The following LARP1B variants were observed in gnomAD, a reference collection of about 807,000 sequenced individuals.
LARP1B encodes la-related protein 1B.
Under a neutral mutation model 114.2 loss-of-function variants are expected in LARP1B, and 76 were observed. The ratio of observed to expected loss-of-function variants is 0.67; its 90% CI spans 0.55 to 0.81. The LOEUF (loss-of-function observed/expected upper bound fraction) is 0.81. LARP1B is among the 30% of genes least tolerant of loss of function. The pLI is 0.00. For synonymous variants in LARP1B, 345 were observed against 348.0 expected, an observed-to-expected ratio of 0.99 and a Z score of 0.10; for missense variants, 1,014 against 1,075.8, an observed-to-expected ratio of 0.94 and a Z score of 0.80.
rs915444516 is a variant in LARP1B, at chr4:128,211,559, T to C, written c.*1506T>C. ...CAAATTTGAATATTCAGAAAATAAA[T>C]TTATTTAGATATATTGTAAAGAGGG... On this transcript the variant is annotated 3_prime_UTR_variant, in exon 20 of 20. Transcript: ENST00000326639. 2.2e-6 allele frequency: 2 copies of C among 926,464 alleles called. No individual in the cohort carries two copies. Among genetic ancestry groups the C allele is most frequent in the Non-Finnish European group, 2.6e-6 (2 of 776,512 alleles). 57.4% of individuals were successfully genotyped at this position (926,464 alleles called of 1,614,324 possible). A position where few individuals can be genotyped will look rare whatever the true frequency, so the allele number is the denominator to read the frequency against.
intron 11 of LARP1B, among the ~76,000 whole-genome samples, chr4:128,146,081 T>C (rs1287312690): frequency 2.6e-5 from 4 of 152,242 alleles, no homozygotes; most frequent in African/African-American, 9.6e-5. Flanking sequence ...CATTTCCACA[T>C]GTACATATGT....
intron 11 of LARP1B, chr4:128,156,135 C>T: frequency 6.2e-7 from 1 of 1,611,168 alleles, no homozygotes; most frequent in Non-Finnish European, 8.5e-7. Flanking sequence ...CAGCTCATCA[C>T]AAGAGTAGCA....
At chr4:128,158,878 T>G (rs1737057935) in intron 11 of LARP1B, among the ~76,000 whole-genome samples, 1 of 152,120 alleles carries the variant, frequency 6.6e-6, no homozygotes, top group South Asian at 2.1e-4. Flanking sequence ...CTTATGTAAC[T>G]ATAGCACAAT....
Position 128,155,867 on chromosome 4 carries a change from G to T in LARP1B, c.1525-6327G>T, listed in dbSNP as rs535696947. On this transcript the variant is annotated intron_variant, in intron 11 of 19. Coordinates refer to ENST00000326639, the MANE Select transcript of LARP1B (RefSeq NM_018078.4). Reference sequence around the variant, plus strand: ...GAGGAGCTGCAGAAGCAGAAGGAGCGCCTGGAGCTGGTGCTGGAAGCCCAC... The same window carrying T: ...GAGGAGCTGCAGAAGCAGAAGGAGCTCCTGGAGCTGGTGCTGGAAGCCCAC... 41 of 1,558,258 alleles carry T rather than the reference G, an allele frequency of 2.6e-5. No homozygotes were observed. In the South Asian group the frequency reaches 3.1e-4, roughly 12 times the overall value.
chr4:128,164,855 C>A (rs1279374177), intron 12 of LARP1B, among the ~76,000 whole-genome samples: 2 of 151,788 alleles, frequency 1.3e-5, no homozygotes, highest in Non-Finnish European at 2.9e-5. Flanking sequence ...CTAAAAAATG[C>A]CCAGTTATAG....
rs1191946137 is a variant in LARP1B, at chr4:128,082,262, A to G, written c.315A>G (p.Glu105=). Residue 105 remains glutamate, a synonymous_variant, in exon 5 of 20, where the codon GAA becomes GAG. Coordinates refer to ENST00000326639, the MANE Select transcript of LARP1B (RefSeq NM_018078.4). ...GGAACAGCTCAAGATGTCAACCTGA[A>G]GCAAATAAACCAACACATAACAATA... ...GSRNSSRCQP[E]ANKPTHNNRR... 1 of 1,614,000 alleles carries G rather than the reference A, an allele frequency of 6.2e-7. No individual in the cohort carries two copies. Among genetic ancestry groups the G allele is most frequent in the East Asian group, 2.2e-5 (1 of 44,878 alleles).
intron 1 of LARP1B, 162 bp downstream of exon 1, chr4:128,061,563 C>A (rs1488324344): frequency 1.9e-6 from 1 of 533,370 alleles, no homozygotes. Context: ...GCGGCAGCGG[C>A]GGCCACGGCC....
At chr4:128,109,587 TAAATG>T (rs984966807) in intron 9 of LARP1B, among the ~76,000 whole-genome samples, 11 of 152,272 alleles carry the variant, frequency 7.2e-5, no homozygotes, top group African/African-American at 2.6e-4. Context: ...TATTAACTCT[TAAATG>T]AAAGGATTTC....
intron 5 of LARP1B, among the ~76,000 whole-genome samples, chr4:128,085,619 C>T (rs958985691): frequency 2.0e-5 from 3 of 152,106 alleles, no homozygotes; most frequent in East Asian, 1.9e-4. Flanking sequence ...TCTCCTGCCT[C>T]GGCCTCCCGA....
chr4:128,112,743 G>T (rs1784554513), intron 9 of LARP1B, among the ~76,000 whole-genome samples: 1 of 151,996 alleles, frequency 6.6e-6, no homozygotes, highest in South Asian at 2.1e-4. Flanking sequence ...CAAAGTGCTG[G>T]GATTACAGGC....
intron 8 of LARP1B, among the ~76,000 whole-genome samples, chr4:128,101,798 C>T (rs1290148789): frequency 6.6e-6 from 1 of 152,124 alleles, no homozygotes; most frequent in Non-Finnish European, 1.5e-5. Flanking sequence ...AGTTTATTAA[C>T]TGCTGCCATT....
In LARP1B at chr4:128,122,353, A is replaced by T. The variant is rs1009229656; in HGVS notation, c.1524+165A>T. 3.4e-6 allele frequency: 5 copies of T among 1,457,794 alleles called. No homozygotes were observed. The Admixed American group carries it at 7.9e-5, about 23-fold the overall frequency. The allele number at this position is 1,457,794 out of a possible 1,614,324, so 90.3% of individuals were successfully genotyped here. A position where few individuals can be genotyped will look rare whatever the true frequency, so the allele number is the denominator to read the frequency against. On this transcript the variant is annotated intron_variant, in intron 11 of 19. Coordinates refer to ENST00000326639, the MANE Select transcript of LARP1B (RefSeq NM_018078.4). ...AAATATACCTGATAATTACCACCTGAGGAATCGTTTTATTTTATGAAAGTA... is the reference window on the plus strand; with the variant it reads ...AAATATACCTGATAATTACCACCTGTGGAATCGTTTTATTTTATGAAAGTA...
At chr4:128,186,233 T>A (rs1240434193) in intron 15 of LARP1B, among the ~76,000 whole-genome samples, 1 of 148,812 alleles carries the variant, frequency 6.7e-6, no homozygotes, top group African/African-American at 2.5e-5. Context: ...AGGGATGGAA[T>A]TAAATCTGTA....
At position 128,162,068 on chromosome 4, in the gene LARP1B, T is replaced by A. The variant is rs1738769025; in HGVS notation, c.1525-126T>A. On this transcript the variant is annotated intron_variant, in intron 11 of 19. Transcript: ENST00000326639. ...TAATGCTAGACTCTTTATTAGAACG[T>A]CTTTTTCACTCCATTGTAATTAATC... The A allele has an allele frequency of 4.0e-6, 3 of 755,328 alleles. No individual in the cohort carries two copies. In the South Asian group the frequency reaches 6.1e-5, roughly 15 times the overall value. 46.8% of individuals were successfully genotyped at this position (755,328 alleles called of 1,614,324 possible).
At chr4:128,154,766 T>C (rs78009259) in intron 11 of LARP1B, among the ~76,000 whole-genome samples, 1,643 of 152,318 alleles carry the variant, frequency 0.011, 29 homozygotes, top group African/African-American at 0.036. Context: ...AATTGTAATC[T>C]GTTTACAAAA....
At chr4:128,124,956 C>A (rs1386166285) in intron 11 of LARP1B, among the ~76,000 whole-genome samples, 1 of 152,062 alleles carries the variant, frequency 6.6e-6, no homozygotes, top group East Asian at 1.9e-4. Context: ...CATTTTTGAC[C>A]TCTGCAAAAA....
At chr4:128,172,161 T>TC (rs1292995448) in intron 12 of LARP1B, among the ~76,000 whole-genome samples, 1 of 152,104 alleles carries the variant, frequency 6.6e-6, no homozygotes, top group Non-Finnish European at 1.5e-5. Flanking sequence ...TTTTTCAATT[T>TC]CTTTTTTTTT....
downstream of LARP1B, chr4:128,222,717 C>G (rs1392663924): frequency 4.7e-6 from 1 of 211,844 alleles, no homozygotes; most frequent in Non-Finnish European, 9.6e-6. Context: ...GTGTTAAGAC[C>G]TGTCTCCAAT....
chr4:128,183,166 A>G (rs1275244869), intron 15 of LARP1B, among the ~76,000 whole-genome samples: 1 of 151,948 alleles, frequency 6.6e-6, no homozygotes, highest in Non-Finnish European at 1.5e-5. Context: ...TCTAGATCTG[A>G]AAAAAAAGTG....
Sources: allele counts gnomAD v4.1 joint callset (sites outside exome capture counted in the v4.1 genomes callset), GRCh38; gene constraint gnomAD v4.1.1; transcripts MANE v1.5; gene names NCBI Gene and HGNC (gene_info 2026-07-23, HGNC 2026-07-21).